Variants in MTUS2 observed in about 807,000 individuals in gnomAD.
MTUS2 encodes the protein microtubule-associated tumor suppressor candidate 2.
In MTUS2, 40 loss-of-function variants were observed where a neutral mutation model predicts 114.1. The ratio of observed to expected loss-of-function variants is 0.35; its 90% CI spans 0.27 to 0.46. MTUS2 has a LOEUF of 0.46. Among genes scored for constraint, MTUS2 ranks in the 20% least tolerant of loss-of-function variants. The probability of loss-of-function intolerance (pLI) is 1.00; values close to 1 mark genes in which losing one functional copy is unlikely to be tolerated. For synonymous variants in MTUS2, 688 were observed against 672.0 expected (o/e 1.02, Z -0.37); for missense variants, 1,679 against 1,705.4 (o/e 0.98, Z 0.27).
intron 2 of MTUS2, among the ~76,000 whole-genome samples, chr13:28,963,609 C>G (rs1442035411): frequency 6.6e-6 from 1 of 152,070 alleles, no homozygotes; most frequent in African/African-American, 2.4e-5. Context: ...AAAAACAAAA[C>G]CAAAACCCCT....
rs182128111 is a variant in MTUS2, at chr13:29,365,672, G to A, written c.3117+6199G>A. On this transcript the variant is annotated intron_variant, in intron 8 of 15. Coordinates refer to ENST00000612955, the MANE Select transcript of MTUS2 (RefSeq NM_001033602.4). ...TAAACCTGGTCTGTAGTAAAAGTGC[G>A]TGCCTTTAAGATATTCTGGGATACA... is the stretch of plus-strand genomic sequence containing the variant. Among the ~76,000 whole-genome samples the A allele has an allele frequency of 1.9e-3, 289 of 152,180 alleles. 3 individuals carry two copies. The highest frequency in any genetic ancestry group is 6.1e-3 in the African/African-American group (253 of 41,522).
At chr13:28,926,031 A>G (rs536393844) in intron 2 of MTUS2, among the ~76,000 whole-genome samples, 43 of 152,312 alleles carry the variant, frequency 2.8e-4, no homozygotes, top group African/African-American at 1.0e-3. Context: ...CCCTGTTTGA[A>G]TGAACAGTGC....
At chr13:28,903,307 C>G (rs1411273420) in intron 2 of MTUS2, among the ~76,000 whole-genome samples, 1 of 151,758 alleles carries the variant, frequency 6.6e-6, no homozygotes, top group African/African-American at 2.4e-5. Context: ...TACATGTGCA[C>G]AATGTGCAGG....
chr13:29,148,467 G>GTTT (rs1892529897), intron 5 of MTUS2, among the ~76,000 whole-genome samples: 2 of 123,802 alleles, frequency 1.6e-5, no homozygotes, highest in African/African-American at 6.1e-5. Flanking sequence ...GCTGTGTTTG[G>GTTT]TTTTCTTTTT....
intron 2 of MTUS2, among the ~76,000 whole-genome samples, chr13:28,897,190 TCAAA>T (rs1381418359): frequency 1.3e-5 from 2 of 152,004 alleles, no homozygotes; most frequent in East Asian, 1.9e-4. Context: ...TACAATGAAC[TCAAA>T]CAAATTTACA....
chr13:29,242,191 T>G (rs2992388), intron 5 of MTUS2, among the ~76,000 whole-genome samples: 35,318 of 152,080 alleles, frequency 0.23, 4,455 homozygotes, highest in East Asian at 0.4. Context: ...ATATCTAGTT[T>G]AGAATATTTT....
chr13:29,145,685 C>T (rs1280856750), intron 5 of MTUS2, among the ~76,000 whole-genome samples: 2 of 152,148 alleles, frequency 1.3e-5, no homozygotes, highest in African/African-American at 4.8e-5. Context: ...CCTGCCACCC[C>T]AAAATCTTCT....
intron 5 of MTUS2, among the ~76,000 whole-genome samples, chr13:29,176,760 A>G (rs752381748): frequency 1.4e-5 from 2 of 144,894 alleles, no homozygotes; most frequent in Non-Finnish European, 2.9e-5. Context: ...GTTTCAACAT[A>G]TGAATTTGGG....
At position 29,218,650 on chromosome 13, in the gene MTUS2, C is replaced by G. The variant is rs563068058; in HGVS notation, c.2645-63054C>G. Among the ~76,000 whole-genome samples the G allele has an allele frequency of 2.0e-5, 3 of 152,298 alleles. No homozygotes were observed. In the South Asian group the frequency reaches 6.2e-4, roughly 32 times the overall value. ...GGCCACAGAATGGATATTGTGTTAG[C>G]AGACATGAAAATAAGTGTCCTTTTT... On this transcript the variant is annotated intron_variant, in intron 5 of 15. Coordinates refer to ENST00000612955, the MANE Select transcript of MTUS2 (RefSeq NM_001033602.4).
Position 29,432,008 on chromosome 13 carries a change from C to CT in MTUS2, c.3118-7974dup, listed in dbSNP as rs1318136819. On this transcript the variant is annotated intron_variant, in intron 8 of 15. Transcript: ENST00000612955. ...CACAAGTGTGCACTACCACGCTCAGCTATTTTTTTTTTTTTTTTTTTTTTG... is the reference window on the plus strand; with the variant it reads ...CACAAGTGTGCACTACCACGCTCAGCTTATTTTTTTTTTTTTTTTTTTTTTG... 7.5e-4 allele frequency among the ~76,000 whole-genome samples: 89 copies of CT among 119,056 alleles called. 1 individual carries two copies. Among genetic ancestry groups the CT allele is most frequent in the African/African-American group, 1.7e-3 (55 of 31,992 alleles). 78.1% of individuals were successfully genotyped at this position (119,056 alleles called of 152,430 possible). A position where few individuals can be genotyped will look rare whatever the true frequency, so the allele number is the denominator to read the frequency against.
At chr13:28,904,962 TC>T in intron 2 of MTUS2, among the ~76,000 whole-genome samples, 1 of 151,674 alleles carries the variant, frequency 6.6e-6, no homozygotes, top group South Asian at 2.1e-4. Context: ...CTTGAAGAGG[TC>T]CTTCACGTCC....
intron 2 of MTUS2, among the ~76,000 whole-genome samples, chr13:28,994,850 T>C (rs2138352980): frequency 6.6e-6 from 1 of 152,314 alleles, no homozygotes; most frequent in African/African-American, 2.4e-5. Context: ...ATTCTGTAGA[T>C]TGCCTGTTCA....
intron 4 of MTUS2, among the ~76,000 whole-genome samples, chr13:29,035,929 G>T (rs1887042333): frequency 6.6e-6 from 1 of 152,004 alleles, no homozygotes. Context: ...CGGATCGCTG[G>T]AGGCCAGGAG....
At chr13:29,103,578 A>C (rs1890519265) in intron 5 of MTUS2, among the ~76,000 whole-genome samples, 1 of 152,206 alleles carries the variant, frequency 6.6e-6, no homozygotes, top group Non-Finnish European at 1.5e-5. Flanking sequence ...AATGAATATG[A>C]AGGTCTAGGA....
intron 2 of MTUS2, among the ~76,000 whole-genome samples, chr13:28,967,891 A>C (rs1883669945): frequency 6.6e-6 from 1 of 152,238 alleles, no homozygotes; most frequent in African/African-American, 2.4e-5. Context: ...TATCACATAA[A>C]AACATGTATG....
intron 2 of MTUS2, among the ~76,000 whole-genome samples, chr13:28,945,179 T>TTTTA (rs149122040): frequency 3.4e-5 from 5 of 147,178 alleles, no homozygotes; most frequent in East Asian, 3.9e-4. Context: ...TAGTATTCCA[T>TTTTA]TATATATATA....
At chr13:29,151,019 T>G (rs1892644560) in intron 5 of MTUS2, among the ~76,000 whole-genome samples, 1 of 152,206 alleles carries the variant, frequency 6.6e-6, no homozygotes, top group Non-Finnish European at 1.5e-5. Context: ...GCTTTGGTTA[T>G]TTGGGCTCTT....
At chr13:29,078,834 G>A (rs1340758770) in intron 4 of MTUS2, among the ~76,000 whole-genome samples, 2 of 152,200 alleles carry the variant, frequency 1.3e-5, no homozygotes, top group Non-Finnish European at 2.9e-5. Context: ...CCATTCATCA[G>A]TTGAAGTATA....
chr13:29,083,254 T>C (rs765137868), intron 4 of MTUS2, among the ~76,000 whole-genome samples: 10 of 152,200 alleles, frequency 6.6e-5, no homozygotes, highest in Non-Finnish European at 1.5e-4. Context: ...AGTTTTTATT[T>C]GTATGTCCTG....
Sources: gnomAD v4.1 joint callset for allele counts (sites outside exome capture counted in the v4.1 genomes callset) on GRCh38, gnomAD v4.1.1 for gene constraint, MANE v1.5 for transcripts, NCBI Gene and HGNC (gene_info 2026-07-23, HGNC 2026-07-21) for gene names.